Variants in CNKSR2 observed in about 807,000 individuals in gnomAD.
CNKSR2 encodes the protein connector enhancer of kinase suppressor of Ras 2.
CNKSR2 carries 14 observed loss-of-function variants against 84.4 expected under a neutral mutation model. The ratio of observed to expected loss-of-function variants is 0.17; its 90% CI spans 0.11 to 0.26. The LOEUF (loss-of-function observed/expected upper bound fraction) is 0.26. Ranked by LOEUF, CNKSR2 falls within the 10% of genes least tolerant of loss-of-function variation. The probability of loss-of-function intolerance (pLI) is 1.00; values close to 1 mark genes in which losing one functional copy is unlikely to be tolerated. For synonymous variants in CNKSR2, 275 were observed against 277.9 expected (o/e 0.99, Z 0.10); for missense variants, 485 against 771.2 (o/e 0.63, Z 4.40).
At chrX:21,462,260 T>C (rs2091070659) in intron 4 of CNKSR2, among the ~76,000 whole-genome samples, 1 of 112,082 alleles carries the variant, frequency 8.9e-6, no homozygotes. Context: ...TCTTTGATTA[T>C]GTTAATTTCT....
At chrX:21,445,676 G>A (rs138607812) in intron 4 of CNKSR2, among the ~76,000 whole-genome samples, 2,924 of 110,962 alleles carry the variant, frequency 0.026, 37 homozygotes, top group Non-Finnish European at 0.039. Flanking sequence ...TTTAGCTTTC[G>A]CATATGAGTG....
At chrX:21,581,826 A>T (rs1180185847) in intron 13 of CNKSR2, among the ~76,000 whole-genome samples, 2 of 112,069 alleles carry the variant, frequency 1.8e-5, no homozygotes, top group Non-Finnish European at 3.8e-5. Flanking sequence ...TCATAGAACT[A>T]ATATAGTAGG....
intron 1 of CNKSR2, chrX:21,423,756 G>C (rs1162193066): frequency 4.5e-5 from 5 of 111,227 alleles, no homozygotes; most frequent in Non-Finnish European, 1.9e-5. Context: ...TGCCATCTGG[G>C]TACTCTACAC....
At chrX:21,548,314 A>T (rs1177151760) in intron 11 of CNKSR2, among the ~76,000 whole-genome samples, 1 of 112,017 alleles carries the variant, frequency 8.9e-6, no homozygotes, top group Non-Finnish European at 1.9e-5. Context: ...AAACTAGAAA[A>T]TCTAGAAGAA....
intron 3 of CNKSR2, among the ~76,000 whole-genome samples, chrX:21,438,355 G>A (rs953373671): frequency 7.2e-5 from 8 of 111,531 alleles, no homozygotes; most frequent in African/African-American, 3.3e-5. Flanking sequence ...TGGTATATGC[G>A]GTCTGTTGTT....
At chrX:21,493,267 G>A (rs1458114764) in intron 6 of CNKSR2, 2 of 112,387 alleles carry the variant, frequency 1.8e-5, no homozygotes, top group Non-Finnish European at 3.8e-5. Context: ...AGGAAAATGA[G>A]AGCTATTGAA....
chrX:21,462,117 G>A (rs1220794991), intron 4 of CNKSR2, among the ~76,000 whole-genome samples: 1 of 111,552 alleles, frequency 9.0e-6, no homozygotes, highest in Non-Finnish European at 1.9e-5. Flanking sequence ...TGAATCTGTA[G>A]ATTGCTTAGG....
intron 11 of CNKSR2, among the ~76,000 whole-genome samples, chrX:21,555,812 A>G (rs2092134795): frequency 9.0e-6 from 1 of 111,497 alleles, no homozygotes; most frequent in African/African-American, 3.2e-5. Flanking sequence ...GACAACTGTA[A>G]GAGAAGATTG....
At chrX:21,518,132 C>T (rs2091747009) in intron 9 of CNKSR2, among the ~76,000 whole-genome samples, 1 of 111,583 alleles carries the variant, frequency 9.0e-6, no homozygotes, top group Admixed American at 9.5e-5. Context: ...CATTACAGTT[C>T]AGAGGTCAAT....
chrX:21,528,483 A>G (rs902127977), intron 10 of CNKSR2, among the ~76,000 whole-genome samples: 4 of 111,341 alleles, frequency 3.6e-5, no homozygotes, highest in African/African-American at 6.5e-5. Context: ...TGTTACAAAG[A>G]AAGTGTCTCC....
chrX:21,634,367 C>G (rs566961834), intron 20 of CNKSR2, among the ~76,000 whole-genome samples: 1 of 112,074 alleles, frequency 8.9e-6, no homozygotes, highest in Admixed American at 9.5e-5. Context: ...TGGCACTTGC[C>G]TTGCTGGGGA....
At position 21,415,596 on chromosome X, in the gene CNKSR2, C is replaced by T. The variant is rs185837657; in HGVS notation, c.65-10901C>T. On this transcript the variant is annotated intron_variant, in intron 1 of 21. Coordinates refer to ENST00000379510, the MANE Select transcript of CNKSR2 (RefSeq NM_014927.5). ...ATAGTTTGCTGAGAATGATGGTTTC[C>T]GAACACAGGAAGGGGAACATCACAC... Among the ~76,000 whole-genome samples, 359 of 82,227 alleles carry T rather than the reference C, an allele frequency of 4.4e-3. 4 individuals are homozygous for T. In the East Asian group the frequency reaches 0.053, roughly 12 times the overall value. 71.4% of individuals were successfully genotyped at this position (82,227 alleles called of 115,157 possible).
chrX:21,482,778 A>G (rs2091335486), intron 5 of CNKSR2, among the ~76,000 whole-genome samples: 1 of 111,606 alleles, frequency 9.0e-6, no homozygotes, highest in African/African-American at 3.3e-5. Flanking sequence ...CGTTTGAATC[A>G]TGTAACAGAC....
chrX:21,642,535 T>C (rs2092695035), intron 20 of CNKSR2: 1 of 748,394 alleles, frequency 1.3e-6, no homozygotes, highest in East Asian at 1.5e-4. Flanking sequence ...ATGTGAAATT[T>C]CCTTTAGTTG....
intron 8 of CNKSR2, among the ~76,000 whole-genome samples, chrX:21,508,165 A>G (rs753087642): frequency 3.6e-5 from 4 of 111,669 alleles, no homozygotes; most frequent in African/African-American, 6.5e-5. Flanking sequence ...ACGTCTCTAC[A>G]GAAAATTTTT....
At chrX:21,430,443 T>C (rs1445773124) in intron 2 of CNKSR2, among the ~76,000 whole-genome samples, 4 of 111,637 alleles carry the variant, frequency 3.6e-5, no homozygotes, top group Non-Finnish European at 5.7e-5. Flanking sequence ...TTTAAAATAA[T>C]CTTTTATGGA....
At chrX:21,485,143 A>C (rs1301916754) in intron 5 of CNKSR2, among the ~76,000 whole-genome samples, 1 of 111,366 alleles carries the variant, frequency 9.0e-6, no homozygotes, top group Non-Finnish European at 1.9e-5. Context: ...AGATCATGCC[A>C]CTGCACTCCA....
At chrX:21,501,451 G>A in intron 7 of CNKSR2, 69 bp from the exon 8 acceptor site, 2 of 606,497 alleles carry the variant, frequency 3.3e-6, no homozygotes, top group South Asian at 3.8e-5. Context: ...ACTTTTTGTA[G>A]TGTTTCCAGA....
intron 8 of CNKSR2, chrX:21,505,055 C>G: frequency 4.0e-6 from 1 of 249,794 alleles, no homozygotes; most frequent in African/African-American, 2.8e-5. Context: ...ACTTTTAACA[C>G]ATTTTTTTAG....
Sources: allele counts gnomAD v4.1 joint callset (sites outside exome capture counted in the v4.1 genomes callset), GRCh38; gene constraint gnomAD v4.1.1; transcripts MANE v1.5; gene names NCBI Gene and HGNC (gene_info 2026-07-23, HGNC 2026-07-21).